LRRC37A2: variants seen among roughly 807,000 people sequenced by gnomAD.
The protein encoded by LRRC37A2 is leucine-rich repeat-containing protein 37A2.
Under a neutral mutation model 68.8 loss-of-function variants are expected in LRRC37A2, and 9 were observed. The ratio of observed to expected loss-of-function variants is 0.13; its 90% CI spans 0.08 to 0.23. The LOEUF is 0.23. Among genes scored for constraint, LRRC37A2 ranks in the 10% least tolerant of loss-of-function variants. The probability of loss-of-function intolerance (pLI) is 1.00; values close to 1 mark genes in which losing one functional copy is unlikely to be tolerated. For synonymous variants in LRRC37A2, 63 were observed against 367.6 expected (o/e 0.17, Z 9.48); for missense variants, 168 against 950.4 (o/e 0.18, Z 10.82).
the LRRC37A2 span, among the ~76,000 whole-genome samples, chr17:46,816,516 C>CACA: frequency 1.4e-5 from 2 of 144,902 alleles, no homozygotes; most frequent in Non-Finnish European, 1.5e-5. Flanking sequence ...CACACACACA[C>CACA]CTCTCTCCTT....
chr17:46,966,566 C>A, the LRRC37A2 span: 1 of 696,000 alleles, frequency 1.4e-6, no homozygotes, highest in Non-Finnish European at 2.6e-6. Context: ...CCAGAATGGA[C>A]CCGAACTCCT....
At chr17:46,927,404 GTTTGTGGGT>G in the LRRC37A2 span, among the ~76,000 whole-genome samples, 1 of 152,074 alleles carries the variant, frequency 6.6e-6, no homozygotes, top group Non-Finnish European at 1.5e-5. Flanking sequence ...TTTCTTTGTG[GTTTGTGGGT>G]TTTGTGGGGG....
chr17:46,781,327 G>A, the LRRC37A2 span, among the ~76,000 whole-genome samples: 3 of 150,954 alleles, frequency 2.0e-5, no homozygotes, highest in East Asian at 1.9e-4. Context: ...AGCCAGACAC[G>A]GAAGAACAAA....
At chr17:46,947,215 T>C in the LRRC37A2 span, among the ~76,000 whole-genome samples, 1 of 152,140 alleles carries the variant, frequency 6.6e-6, no homozygotes, top group East Asian at 1.9e-4. Flanking sequence ...ATGTCCTAGA[T>C]TCTGTGGCCC....
At chr17:46,941,692 G>A in the LRRC37A2 span, 3 of 160,040 alleles carry the variant, frequency 1.9e-5, no homozygotes, top group Non-Finnish European at 2.7e-5. Flanking sequence ...TCATACCTCA[G>A]CCTCCTGAGT....
At chr17:46,525,614 A>C (rs58275934) in intron 6 of LRRC37A2, among the ~76,000 whole-genome samples, 2,750 of 112,244 alleles carry the variant, frequency 0.025, 31 homozygotes, top group African/African-American at 0.083. Flanking sequence ...TAATAATAAT[A>C]ATCATCATCA....
At chr17:46,774,468 C>T in the LRRC37A2 span, among the ~76,000 whole-genome samples, 1 of 152,250 alleles carries the variant, frequency 6.6e-6, no homozygotes, top group Non-Finnish European at 1.5e-5. Context: ...CTGGCTTGCA[C>T]CAAGTCCTTT....
the LRRC37A2 span, among the ~76,000 whole-genome samples, chr17:46,840,310 T>C: frequency 6.6e-6 from 1 of 152,034 alleles, no homozygotes; most frequent in East Asian, 1.9e-4. Flanking sequence ...ATGGTCTCGA[T>C]CTCCTGACCT....
chr17:46,903,546 C>T, the LRRC37A2 span, among the ~76,000 whole-genome samples: 1 of 152,088 alleles, frequency 6.6e-6, no homozygotes, highest in Non-Finnish European at 1.5e-5. Context: ...GTAGGGCTTC[C>T]AGGTACTTGT....
chr17:46,933,046 C>T, the LRRC37A2 span: 1 of 152,242 alleles, frequency 6.6e-6, no homozygotes, highest in Non-Finnish European at 1.5e-5. Flanking sequence ...ATAGTTTTTG[C>T]TTCCCCAGAC....
the LRRC37A2 span, among the ~76,000 whole-genome samples, chr17:46,390,241 C>T: frequency 1.1e-5 from 1 of 94,168 alleles, no homozygotes; most frequent in African/African-American, 3.2e-5. Context: ...AATTTAGCCT[C>T]AATTATCTCC....
chr17:46,776,506 G>A, the LRRC37A2 span, among the ~76,000 whole-genome samples: 95,054 of 152,092 alleles, frequency 0.62, 32,347 homozygotes, highest in South Asian at 0.82. Context: ...TTTCCAAGAT[G>A]AGGAAACTGA....
the LRRC37A2 span, among the ~76,000 whole-genome samples, chr17:47,028,921 G>A: frequency 0.45 from 67,683 of 149,612 alleles, 15,801 homozygotes; most frequent in Non-Finnish European, 0.52. Flanking sequence ...GCTCATGCCT[G>A]TAATCCCAGC....
chr17:46,978,634 C>A, the LRRC37A2 span: 1 of 1,581,968 alleles, frequency 6.3e-7, no homozygotes, highest in South Asian at 1.2e-5. Context: ...GAGGGCGGAC[C>A]CAGATGGCGC....
At chr17:46,909,115 A>T in the LRRC37A2 span, among the ~76,000 whole-genome samples, 1 of 152,334 alleles carries the variant, frequency 6.6e-6, no homozygotes, top group East Asian at 1.9e-4. Context: ...GCAGTGGCAC[A>T]TACATGGCTC....
At chr17:46,900,196 T>TACACATAC in the LRRC37A2 span, among the ~76,000 whole-genome samples, 3 of 105,598 alleles carry the variant, frequency 2.8e-5, no homozygotes, top group African/African-American at 1.4e-4. Flanking sequence ...TATATATATA[T>TACACATAC]ATATATACAC....
chr17:46,801,803 C>T, the LRRC37A2 span, among the ~76,000 whole-genome samples: 1 of 152,078 alleles, frequency 6.6e-6, no homozygotes, highest in Non-Finnish European at 1.5e-5. Context: ...GTGGGTCTGC[C>T]AAGGGAGGGA....
chr17:46,780,620 C>A, the LRRC37A2 span, among the ~76,000 whole-genome samples: 1 of 152,080 alleles, frequency 6.6e-6, no homozygotes, highest in East Asian at 1.9e-4. Context: ...ACTAAAAATA[C>A]AAAAAATTAG....
chr17:46,868,900 A>G, the LRRC37A2 span, among the ~76,000 whole-genome samples: 1 of 152,234 alleles, frequency 6.6e-6, no homozygotes. Context: ...AGCAGAAGCC[A>G]TGGGCTGAGC....
Sources: allele counts gnomAD v4.1 joint callset (sites outside exome capture counted in the v4.1 genomes callset), GRCh38; gene constraint gnomAD v4.1.1; transcripts MANE v1.5; gene names NCBI Gene and HGNC (gene_info 2026-07-23, HGNC 2026-07-21).